The following PLCB1 variants were observed in gnomAD, a reference collection of about 807,000 sequenced individuals.
PLCB1 encodes the protein phospholipase C beta 1, also known as 1-phosphatidylinositol 4,5-bisphosphate phosphodiesterase beta-1.
In PLCB1, 46 loss-of-function variants were observed where a neutral mutation model predicts 161.8. The ratio of observed to expected loss-of-function variants is 0.28; its 90% CI spans 0.22 to 0.36. PLCB1 has a LOEUF of 0.36. PLCB1 is among the 10% of genes least tolerant of loss of function. The pLI, the probability that PLCB1 is intolerant of heterozygous loss-of-function variation, is 1.00. For synonymous variants in PLCB1, 517 were observed against 503.7 expected, an observed-to-expected ratio of 1.03 and a Z score of -0.35; for missense variants, 1,016 against 1,472.5, an observed-to-expected ratio of 0.69 and a Z score of 5.07.
chr20:8,197,011 C>G (rs1265037942), intron 2 of PLCB1, among the ~76,000 whole-genome samples: 2 of 151,992 alleles, frequency 1.3e-5, no homozygotes, highest in East Asian at 3.9e-4. Context: ...TCATTTTTTA[C>G]GGCTGCATAG....
intron 16 of PLCB1, 69 bp from the exon 17 acceptor site, chr20:8,727,240 G>A (rs946366921): frequency 1.7e-5 from 12 of 720,320 alleles, no homozygotes; most frequent in African/African-American, 1.6e-4. Context: ...CTTTTATAAT[G>A]TTATAATTTA....
At chr20:8,644,714 G>GCC (rs1201832635) in intron 4 of PLCB1, among the ~76,000 whole-genome samples, 2 of 151,040 alleles carry the variant, frequency 1.3e-5, no homozygotes, top group African/African-American at 2.4e-5. Flanking sequence ...GGGGGGGTCA[G>GCC]CCCCCCGCCC....
intron 3 of PLCB1, among the ~76,000 whole-genome samples, chr20:8,390,781 A>C (rs1171933024): frequency 6.6e-6 from 1 of 152,096 alleles, no homozygotes; most frequent in Non-Finnish European, 1.5e-5. Context: ...AGTGCCTATA[A>C]GAGTATAGTT....
chr20:8,226,225 C>T (rs1308203894), intron 2 of PLCB1, among the ~76,000 whole-genome samples: 1 of 152,168 alleles, frequency 6.6e-6, no homozygotes, highest in East Asian at 1.9e-4. Flanking sequence ...ACTCTGGCCC[C>T]AACCCCAGAC....
intron 27 of PLCB1, among the ~76,000 whole-genome samples, chr20:8,779,091 C>T (rs6086590): frequency 0.32 from 49,283 of 151,844 alleles, 8,497 homozygotes; most frequent in East Asian, 0.48. Context: ...ATTAAGCCGA[C>T]AGTATTTCAT....
chr20:8,389,488 G>C (rs1472248750), intron 3 of PLCB1, among the ~76,000 whole-genome samples: 1 of 152,184 alleles, frequency 6.6e-6, no homozygotes, highest in Admixed American at 6.6e-5. Flanking sequence ...ACCTGTTGTT[G>C]AAGACAGAAT....
chr20:8,788,375 T>C lies in PLCB1; in HGVS notation c.3112-74T>C, dbSNP rs983904294. ...ACAGATATTCTAACTATAGATTCTG[T>C]TGTTTGAGGGAGGTGGGAAGGAAGC... is the stretch of plus-strand genomic sequence containing the variant. On this transcript the variant is annotated intron_variant, in intron 27 of 31. Coordinates refer to ENST00000338037, the MANE Select transcript of PLCB1 (RefSeq NM_015192.4). The C allele has an allele frequency of 6.1e-6, 8 of 1,321,852 alleles. No individual in the cohort carries two copies. The African/African-American group carries it at 1.0e-4, about 17-fold the overall frequency. The allele number at this position is 1,321,852 out of a possible 1,614,324, so 81.9% of individuals were successfully genotyped here.
At chr20:8,340,876 A>G (rs573114383) in intron 2 of PLCB1, among the ~76,000 whole-genome samples, 182 of 152,300 alleles carry the variant, frequency 1.2e-3, no homozygotes, top group Non-Finnish European at 2.1e-3. Context: ...AGAGGACTTC[A>G]TGAGCCCTGG....
chr20:8,727,957 C>G (rs1035691656), intron 17 of PLCB1, among the ~76,000 whole-genome samples: 3 of 151,956 alleles, frequency 2.0e-5, no homozygotes, highest in African/African-American at 7.3e-5. Flanking sequence ...TAAAGTGAAA[C>G]AGGCTATTAA....
At chr20:8,807,937 T>G (rs545840919) in intron 31 of PLCB1, among the ~76,000 whole-genome samples, 35 of 152,294 alleles carry the variant, frequency 2.3e-4, no homozygotes, top group African/African-American at 8.4e-4. Flanking sequence ...CAAAAGACTA[T>G]GTTCATCATT....
rs750855174 is a variant in PLCB1 at position 8,364,906 on chromosome 20, G to A, written c.178-6476G>A. Among the ~76,000 whole-genome samples, 50 of 152,256 alleles carry A rather than the reference G, an allele frequency of 3.3e-4. No individual in the cohort carries two copies. In the Middle Eastern group the frequency reaches 0.01, roughly 31 times the overall value. ...TATTACTTAGGTTTTAAGTTTTTAT[G>A]AAGTAGCTATAGAGTTCCAGGTTTT... On this transcript the variant is annotated intron_variant, in intron 2 of 31. Transcript: ENST00000338037.
chr20:8,505,590 C>A (rs2122829658), intron 3 of PLCB1, among the ~76,000 whole-genome samples: 1 of 152,346 alleles, frequency 6.6e-6, no homozygotes, highest in Admixed American at 6.5e-5. Flanking sequence ...TTGCTTATTA[C>A]TGTACCGTCA....
rs368791318 is a variant in PLCB1, at chr20:8,704,984, CT to C, written c.1168-3673del. Among the ~76,000 whole-genome samples the C allele has an allele frequency of 7.0e-3, 827 of 118,772 alleles. 29 individuals carry two copies. The highest frequency in any genetic ancestry group is 0.025 in the African/African-American group (764 of 30,138). 77.9% of individuals were successfully genotyped at this position (118,772 alleles called of 152,430 possible). On this transcript the variant is annotated intron_variant, in intron 11 of 31. Coordinates refer to ENST00000338037, the MANE Select transcript of PLCB1 (RefSeq NM_015192.4). ...CAGAAACAGCAAATTCTCCTTTACT[CT>C]TTTTTTTTTTTTCCTATTCAGGCTT... is the stretch of plus-strand genomic sequence containing the variant.
At chr20:8,678,275 C>T (rs1248429592) in intron 9 of PLCB1, among the ~76,000 whole-genome samples, 3 of 152,068 alleles carry the variant, frequency 2.0e-5, no homozygotes, top group Non-Finnish European at 2.9e-5. Context: ...AACACTGTAA[C>T]TAAATTATAG....
chr20:8,213,255 A>G (rs1253271522), intron 2 of PLCB1, among the ~76,000 whole-genome samples: 1 of 152,212 alleles, frequency 6.6e-6, no homozygotes, highest in Non-Finnish European at 1.5e-5. Context: ...CCATTAGATA[A>G]TGGCAGGAAT....
At chr20:8,340,461 C>G (rs1182182328) in intron 2 of PLCB1, among the ~76,000 whole-genome samples, 1 of 152,054 alleles carries the variant, frequency 6.6e-6, no homozygotes, top group Non-Finnish European at 1.5e-5. Context: ...CTCGCTCTGT[C>G]GCCCAGGCTG....
intron 2 of PLCB1, among the ~76,000 whole-genome samples, chr20:8,184,341 C>A (rs1478371975): frequency 6.6e-6 from 1 of 152,076 alleles, no homozygotes; most frequent in Non-Finnish European, 1.5e-5. Context: ...TAAGTTGTTT[C>A]TAAAAGATCC....
intron 3 of PLCB1, among the ~76,000 whole-genome samples, chr20:8,398,039 C>A (rs1036750639): frequency 6.6e-6 from 1 of 151,884 alleles, no homozygotes; most frequent in Non-Finnish European, 1.5e-5. Context: ...CATTTTCTAC[C>A]CCCCTTGCAG....
intron 2 of PLCB1, among the ~76,000 whole-genome samples, chr20:8,301,356 G>T (rs990378374): frequency 2.0e-5 from 3 of 152,030 alleles, no homozygotes; most frequent in African/African-American, 7.3e-5. Flanking sequence ...ATTTTCAAGG[G>T]TTTTCAGGGG....
Sources: gnomAD v4.1 joint callset for allele counts (sites outside exome capture counted in the v4.1 genomes callset) on GRCh38, gnomAD v4.1.1 for gene constraint, MANE v1.5 for transcripts, NCBI Gene and HGNC (gene_info 2026-07-23, HGNC 2026-07-21) for gene names.